STAT2: variants seen among roughly 807,000 people sequenced by gnomAD.
STAT2 encodes the protein signal transducer and activator of transcription 2.
In STAT2, 51 loss-of-function variants were observed where a neutral mutation model predicts 122.3. That is an observed-to-expected ratio of 0.42 (90% CI 0.33 to 0.53). STAT2 has a LOEUF of 0.53. STAT2 is among the 20% of genes least tolerant of loss of function. The pLI is 0.10. For missense variants in STAT2, 736 were observed against 1,010.3 expected, an observed-to-expected ratio of 0.73 and a Z score of 3.68; for synonymous variants, 351 against 394.9, an observed-to-expected ratio of 0.89 and a Z score of 1.32.
chr12:56,354,403 G>A, intron 8 of STAT2, 63 bp downstream of exon 8: 1 of 1,608,664 alleles, frequency 6.2e-7, no homozygotes, highest in Admixed American at 1.7e-5. Flanking sequence ...GCTATATGCA[G>A]GGCACTGCAA....
rs891864382 is a variant in STAT2 at position 56,344,217 on chromosome 12, C to T, written c.2103-82G>A. 3 of 1,477,644 alleles carry T rather than the reference C, an allele frequency of 2.0e-6. No homozygotes were observed. The African/African-American group carries it at 4.2e-5, about 21-fold the overall frequency. The allele number at this position is 1,477,644 out of a possible 1,614,324, so 91.5% of individuals were successfully genotyped here. A position where few individuals can be genotyped will look rare whatever the true frequency, so the allele number is the denominator to read the frequency against. ...AATGGTAGAATAAGCAGAAGCTAGT[C>T]TAAGAAGGCAGTAGGGCGGAGGGCT... On this transcript the variant is annotated intron_variant, in intron 22 of 23. Coordinates refer to ENST00000314128, the MANE Select transcript of STAT2 (RefSeq NM_005419.4).
chr12:56,348,087 GTTTTTTTTTTT>G (rs745864117), intron 19 of STAT2, among the ~76,000 whole-genome samples: 1 of 119,576 alleles, frequency 8.4e-6, no homozygotes, highest in South Asian at 2.8e-4. Flanking sequence ...ATTATTGGTT[GTTTTTTTTTTT>G]TTTTTTTTGA....
At chr12:56,355,676 A>T (rs1396865738) in intron 4 of STAT2, 32 bp downstream of exon 4, 2 of 1,607,182 alleles carry the variant, frequency 1.2e-6, no homozygotes, top group East Asian at 4.5e-5. Context: ...CTACTTCAGG[A>T]GTTTCCAACA....
Position 56,349,625 on chromosome 12 carries a change from C to T in STAT2, c.1221G>A (p.Glu407=). 6.2e-7 allele frequency: 1 copy of T among 1,614,208 alleles called. No homozygotes were observed. The highest frequency in any genetic ancestry group is 8.5e-7 in the Non-Finnish European group (1 of 1,180,042). ...IWDFGYLTLV[E]QRSGGSGKGS... Reference sequence around the variant, plus strand: ...CCTTTCCTGAACCACCTGAACGTTGCTCCACCAGAGTCTGTGAATTGAAGG... The same window carrying T: ...CCTTTCCTGAACCACCTGAACGTTGTTCCACCAGAGTCTGTGAATTGAAGG... The change falls in exon 14 of 24, where the codon GAG becomes GAA. Residue 407 remains glutamate, a synonymous_variant. Coordinates refer to ENST00000314128, the MANE Select transcript of STAT2 (RefSeq NM_005419.4).
Position 56,341,892 on chromosome 12 carries a change from C to G in STAT2, c.*1497G>C, listed in dbSNP as rs932703367. ...AACCAACGAATAGAAACCTTCCTTTCAGGTAAACAACATATTGTACAAAAA... is the reference window on the plus strand; with the variant it reads ...AACCAACGAATAGAAACCTTCCTTTGAGGTAAACAACATATTGTACAAAAA... On this transcript the variant is annotated 3_prime_UTR_variant, in exon 24 of 24. Transcript: ENST00000314128. 2.6e-5 allele frequency: 4 copies of G among 152,230 alleles called. No individual in the cohort carries two copies. The highest frequency in any genetic ancestry group is 5.9e-5 in the Non-Finnish European group (4 of 68,048). The allele number at this position is 152,230 out of a possible 1,614,324, so 9.4% of individuals were successfully genotyped here.
At position 56,354,571 on chromosome 12, in the gene STAT2, G is replaced by GT. The variant is rs2136083409; in HGVS notation, c.676dup (p.Thr226AsnfsTer27). 21 of 1,614,202 alleles carry GT rather than the reference G, an allele frequency of 1.3e-5. No individual in the cohort carries two copies. Among genetic ancestry groups the GT allele is most frequent in the Non-Finnish European group, 1.8e-5 (21 of 1,180,038 alleles). Reference sequence around the variant, plus strand: ...CTTTGGCAGCAGTAGCTCGATTAGGGTAGTTAATCGGCCTAGCAGTGCTTT... The same window carrying GT: ...CTTTGGCAGCAGTAGCTCGATTAGGGTTAGTTAATCGGCCTAGCAGTGCTTT... On this transcript the variant is annotated frameshift_variant, in exon 8 of 24. Coordinates refer to ENST00000314128, the MANE Select transcript of STAT2 (RefSeq NM_005419.4). LOFTEE classifies it high-confidence loss of function.
Position 56,350,437 on chromosome 12 carries a change from A to G in STAT2, c.1095-5T>C. On this transcript the variant is annotated splice_polypyrimidine_tract_variant and splice_region_variant and intron_variant, in intron 11 of 23. Coordinates refer to ENST00000314128, the MANE Select transcript of STAT2 (RefSeq NM_005419.4). ...CCTTGTAATTGAGGAGGATTCCTGAAAAGAAATAAATTTAAAAAAATCATT... is the reference window on the plus strand; with the variant it reads ...CCTTGTAATTGAGGAGGATTCCTGAGAAGAAATAAATTTAAAAAAATCATT... 2 of 1,603,742 alleles carry G rather than the reference A, an allele frequency of 1.2e-6. No individual in the cohort carries two copies. Among genetic ancestry groups the G allele is most frequent in the South Asian group, 2.2e-5 (2 of 89,192 alleles).
chr12:56,351,638 A>G (rs1878501682), intron 8 of STAT2, among the ~76,000 whole-genome samples, 188 bp from the exon 9 acceptor site: 1 of 152,166 alleles, frequency 6.6e-6, no homozygotes, highest in African/African-American at 2.4e-5. Flanking sequence ...AATCAAAGCT[A>G]TTTTCACATA....
chr12:56,352,644 A>G (rs1018821762), intron 8 of STAT2, among the ~76,000 whole-genome samples: 1 of 151,864 alleles, frequency 6.6e-6, no homozygotes, highest in Non-Finnish European at 1.5e-5. Flanking sequence ...GTCCTGTACC[A>G]TAAGTACTAT....
intron 8 of STAT2, among the ~76,000 whole-genome samples, chr12:56,353,334 T>C (rs1309959105): frequency 6.6e-6 from 1 of 151,000 alleles, no homozygotes; most frequent in Non-Finnish European, 1.5e-5. Flanking sequence ...GGTCTTGTTA[T>C]GTTTCCCGGG....
chr12:56,356,025 T>C (rs1879457418), intron 3 of STAT2, 107 bp downstream of exon 3: 1 of 1,480,644 alleles, frequency 6.8e-7, no homozygotes, highest in African/African-American at 1.4e-5. Flanking sequence ...TCCCCACATT[T>C]GTTCCCGTCT....
rs752920992 is a variant in STAT2 at position 56,348,817 on chromosome 12, T to C, written c.1577-13A>G. The C allele has an allele frequency of 1.6e-5, 26 of 1,614,122 alleles. No homozygotes were observed. In the African/African-American group the frequency reaches 2.0e-4, roughly 12 times the overall value. On this transcript the variant is annotated splice_polypyrimidine_tract_variant and intron_variant, in intron 17 of 23. Transcript: ENST00000314128. ...CTACAGTTCTGCCCTGTGGGACAGA[T>C]AGCCACAGACAGATGATGAGGGAAG...
Position 56,343,472 on chromosome 12 carries a change from C to A in STAT2, c.2473G>T (p.Gly825Cys), listed in dbSNP as rs61754170. 0.018 allele frequency: 29,650 copies of A among 1,614,114 alleles called. 366 individuals carry two copies. Among genetic ancestry groups the A allele is most frequent in the Non-Finnish European group, 0.02 (23,515 of 1,179,992 alleles). ...TAAACCTCATCCACGGTGTTCTGGCCAGCCAACAGTGGGTCACCATTCGGC... is the reference window on the plus strand; with the variant it reads ...TAAACCTCATCCACGGTGTTCTGGCAAGCCAACAGTGGGTCACCATTCGGC... ...IMPNGDPLLA[G>C]QNTVDEVYVS... is the part of the protein sequence containing the mutation. The change falls in exon 24 of 24, where the codon GGC becomes TGC. Residue 825 changes from glycine (G) to cysteine (C), a missense_variant. Transcript: ENST00000314128.
chr12:56,359,930 C>T (rs1391440957), intron 1 of STAT2, 128 bp downstream of exon 1: 2 of 497,864 alleles, frequency 4.0e-6, no homozygotes, highest in Non-Finnish European at 5.2e-6. Flanking sequence ...GCGACAGCTC[C>T]TATTTCAATC....
At chr12:56,353,996 A>C (rs866192358) in intron 8 of STAT2, among the ~76,000 whole-genome samples, 78 of 16,348 alleles carry the variant, frequency 4.8e-3, no homozygotes, top group Middle Eastern at 0.071. Flanking sequence ...ACTCCGTCTC[A>C]AAAAAAAAAA....
rs1227953202 is a variant in STAT2, at chr12:56,350,169, C to T, written c.1137G>A (p.Leu379=). The change falls in exon 13 of 24, where the codon CTG becomes CTA. Residue 379 remains leucine (L), a synonymous_variant. Coordinates refer to ENST00000314128, the MANE Select transcript of STAT2 (RefSeq NM_005419.4). ...GGGTCAAAGTTTTCTGGTTTGAAGT[C>T]AGAATGTTGAACTTCCGGAAGCTGT... ...QLQGFRKFNI[L]TSNQKTLTPE... is the part of the protein sequence containing the mutation. The T allele has an allele frequency of 1.3e-5, 21 of 1,612,378 alleles. No homozygotes were observed. Among genetic ancestry groups the T allele is most frequent in the Non-Finnish European group, 1.7e-5 (20 of 1,179,600 alleles).
At chr12:56,346,668 C>G in intron 20 of STAT2, 44 bp from the exon 21 acceptor site, 1 of 1,609,532 alleles carries the variant, frequency 6.2e-7, no homozygotes, top group Non-Finnish European at 8.5e-7. Flanking sequence ...GGGAAGAGGC[C>G]GGGCCTTGGA....
intron 16 of STAT2, 36 bp from the exon 17 acceptor site, chr12:56,349,095 G>GC (rs1316423239): frequency 6.2e-7 from 1 of 1,613,550 alleles, no homozygotes; most frequent in African/African-American, 1.3e-5. Context: ...TGGCTCAGAA[G>GC]CAACCTATCA....
chr12:56,346,073 G>A lies in STAT2; in HGVS notation c.2102+73C>T, dbSNP rs529615072. ...GGTGCTCCACCCAGGAGAAGGTAATGCCCCCTTTTGACGATTCACTGAAGC... is the reference window on the plus strand; with the variant it reads ...GGTGCTCCACCCAGGAGAAGGTAATACCCCCTTTTGACGATTCACTGAAGC... On this transcript the variant is annotated intron_variant, in intron 22 of 23. Transcript: ENST00000314128. 4 of 1,611,876 alleles carry A rather than the reference G, an allele frequency of 2.5e-6. No individual in the cohort carries two copies. The Admixed American group carries it at 6.7e-5, about 27-fold the overall frequency.
Sources: gnomAD v4.1 joint callset for allele counts (sites outside exome capture counted in the v4.1 genomes callset) on GRCh38, gnomAD v4.1.1 for gene constraint, MANE v1.5 for transcripts, NCBI Gene and HGNC (gene_info 2026-07-23, HGNC 2026-07-21) for gene names.